Variants in PTPN11 observed in about 807,000 individuals in gnomAD.
PTPN11 encodes protein tyrosine phosphatase non-receptor type 11.
Under a neutral mutation model 78.8 loss-of-function variants are expected in PTPN11, and 6 were observed. That is an observed-to-expected ratio of 0.08 (90% confidence interval 0.04 to 0.15). PTPN11 has a LOEUF of 0.15. Among genes scored for constraint, PTPN11 ranks in the 10% least tolerant of loss-of-function variants. The pLI, the probability that PTPN11 is intolerant of heterozygous loss-of-function variation, is 1.00. For missense variants in PTPN11, 386 were observed against 744.8 expected, an observed-to-expected ratio of 0.52 and a Z score of 5.61; for synonymous variants, 221 against 263.5, an observed-to-expected ratio of 0.84 and a Z score of 1.56.
intron 1 of PTPN11, among the ~76,000 whole-genome samples, chr12:112,442,830 TTATATATA>T (rs71086107): frequency 0.069 from 2,964 of 43,222 alleles, 107 homozygotes; most frequent in African/African-American, 0.1. Context: ...CTCTCTCTTT[TTATATATA>T]TATATATATA....
At chr12:112,420,660 A>G (rs1203772698) in intron 1 of PTPN11, among the ~76,000 whole-genome samples, 1 of 152,216 alleles carries the variant, frequency 6.6e-6, no homozygotes, top group Non-Finnish European at 1.5e-5. Flanking sequence ...ATTTTTCAAA[A>G]TATTAGGAAT....
At chr12:112,496,766 T>C (rs543158424) in intron 13 of PTPN11, among the ~76,000 whole-genome samples, 1 of 152,364 alleles carries the variant, frequency 6.6e-6, no homozygotes, top group Middle Eastern at 3.4e-3. Context: ...GTGAGAATTG[T>C]ATTTGCACTT....
chr12:112,471,671 G>GA (rs1000785984), intron 6 of PTPN11, among the ~76,000 whole-genome samples: 100 of 141,396 alleles, frequency 7.1e-4, no homozygotes, highest in Non-Finnish European at 1.0e-3. Context: ...AACACAGTGG[G>GA]AAAAAAAAAA....
In PTPN11 at chr12:112,494,786, C is replaced by T. The variant is rs145723692; in HGVS notation, c.1599+5611C>T. The stretch of plus-strand genomic sequence containing the variant: ...CTAAAACCTCACATATGTGTACAGA[C>T]GGTCCCTGACTTATGATGGTTCGAC... On this transcript the variant is annotated intron_variant, in intron 13 of 15. Transcript: ENST00000351677. 4.8e-4 allele frequency among the ~76,000 whole-genome samples: 73 copies of T among 152,296 alleles called. 1 individual carries two copies. Among genetic ancestry groups the T allele is most frequent in the African/African-American group, 1.5e-3 (63 of 41,570 alleles).
chr12:112,435,055 G>T (rs889016546), intron 1 of PTPN11, among the ~76,000 whole-genome samples: 1 of 152,096 alleles, frequency 6.6e-6, no homozygotes, highest in Non-Finnish European at 1.5e-5. Context: ...CGAAAGTGCT[G>T]TTGCCCAGGC....
intron 3 of PTPN11, among the ~76,000 whole-genome samples, chr12:112,451,101 TG>T (rs982502543): frequency 6.6e-6 from 1 of 152,270 alleles, no homozygotes; most frequent in Non-Finnish European, 1.5e-5. Context: ...ACTTATTTAT[TG>T]ATTGTATTCG....
intron 2 of PTPN11, among the ~76,000 whole-genome samples, chr12:112,446,872 CCTT>C (rs1756682556): frequency 6.6e-6 from 1 of 151,228 alleles, no homozygotes; most frequent in African/African-American, 2.4e-5. Flanking sequence ...CTATGCCTGG[CCTT>C]CTTTTTTTGA....
intron 6 of PTPN11, among the ~76,000 whole-genome samples, chr12:112,459,908 T>TAC (rs56846748): frequency 0.2 from 28,719 of 146,830 alleles, 3,159 homozygotes; most frequent in African/African-American, 0.33. Flanking sequence ...TCCTGATTGC[T>TAC]ACACACACAC....
At chr12:112,431,703 G>T (rs1029976874) in intron 1 of PTPN11, among the ~76,000 whole-genome samples, 1 of 152,144 alleles carries the variant, frequency 6.6e-6, no homozygotes, top group African/African-American at 2.4e-5. Context: ...TTTTCTAAAC[G>T]TTTTCTTCTG....
chr12:112,440,543 C>A (rs1395331628), intron 1 of PTPN11, among the ~76,000 whole-genome samples: 2 of 129,514 alleles, frequency 1.5e-5, no homozygotes, highest in African/African-American at 5.8e-5. Context: ...GGATTACAGG[C>A]GTGAGCCACT....
intron 1 of PTPN11, among the ~76,000 whole-genome samples, chr12:112,423,143 A>G (rs954230936): frequency 2.6e-5 from 4 of 152,170 alleles, no homozygotes; most frequent in Non-Finnish European, 4.4e-5. Flanking sequence ...GCCTTGAGCA[A>G]ATGTGTATAT....
chr12:112,488,329 A>T, intron 11 of PTPN11, 114 bp from the exon 12 acceptor site: 3 of 975,540 alleles, frequency 3.1e-6, no homozygotes, highest in Non-Finnish European at 5.0e-6. Context: ...AGACAATTTT[A>T]TAAATAGCTC....
chr12:112,425,187 A>T (rs74644204), intron 1 of PTPN11, among the ~76,000 whole-genome samples: 2,766 of 152,012 alleles, frequency 0.018, 43 homozygotes, highest in Admixed American at 0.032. Flanking sequence ...ATTTAGTAGG[A>T]TATTTATTGC....
At chr12:112,483,675 A>C (rs1566184020) in intron 10 of PTPN11, among the ~76,000 whole-genome samples, 1 of 152,086 alleles carries the variant, frequency 6.6e-6, no homozygotes, top group African/African-American at 2.4e-5. Flanking sequence ...ACCAATTTGG[A>C]GGTAGTGCAG....
At chr12:112,442,901 T>G (rs1323943984) in intron 1 of PTPN11, among the ~76,000 whole-genome samples, 2 of 93,580 alleles carry the variant, frequency 2.1e-5, no homozygotes, top group Admixed American at 1.2e-4. Flanking sequence ...ACTACACATA[T>G]ATGTATGTAT....
intron 4 of PTPN11, 87 bp downstream of exon 4, chr12:112,453,474 A>C: frequency 9.7e-7 from 1 of 1,035,478 alleles, no homozygotes; most frequent in South Asian, 1.3e-5. Flanking sequence ...CATTACATTC[A>C]AAGTCAGATT....
At chr12:112,427,729 CA>C (rs1374079787) in intron 1 of PTPN11, among the ~76,000 whole-genome samples, 1 of 151,654 alleles carries the variant, frequency 6.6e-6, no homozygotes, top group Non-Finnish European at 1.5e-5. Flanking sequence ...CCCCTCCCCT[CA>C]GTGTTTTTTT....
intron 2 of PTPN11, among the ~76,000 whole-genome samples, chr12:112,446,722 A>T (rs759949626): frequency 1.1e-4 from 16 of 152,070 alleles, no homozygotes; most frequent in Non-Finnish European, 2.1e-4. Flanking sequence ...ATTTATTTAA[A>T]AATTTTATTT....
At chr12:112,469,607 T>C (rs1353172565) in intron 6 of PTPN11, among the ~76,000 whole-genome samples, 1 of 152,078 alleles carries the variant, frequency 6.6e-6, no homozygotes, top group Non-Finnish European at 1.5e-5. Context: ...CTCTGCTTCC[T>C]GGGTTTAAGC....
Sources: gnomAD v4.1 joint callset for allele counts (sites outside exome capture counted in the v4.1 genomes callset) on GRCh38, gnomAD v4.1.1 for gene constraint, MANE v1.5 for transcripts, NCBI Gene and HGNC (gene_info 2026-07-23, HGNC 2026-07-21) for gene names.